Variants in PITPNM3 observed in about 807,000 individuals in gnomAD.
PITPNM3 encodes PITPNM family member 3, also known as membrane-associated phosphatidylinositol transfer protein 3.
PITPNM3 carries 26 observed loss-of-function variants against 102.0 expected under a neutral mutation model. The observed-to-expected ratio is 0.25, with a 90% CI of 0.19 to 0.35. The LOEUF is 0.35. PITPNM3 is among the 10% of genes least tolerant of loss of function. The pLI is 1.00. For missense variants in PITPNM3, 1,083 were observed against 1,346.1 expected, an observed-to-expected ratio of 0.80 and a Z score of 3.06; for synonymous variants, 578 against 558.6, an observed-to-expected ratio of 1.03 and a Z score of -0.49.
intron 4 of PITPNM3, among the ~76,000 whole-genome samples, chr17:6,495,666 T>C (rs906029719): frequency 1.3e-5 from 2 of 152,020 alleles, no homozygotes; most frequent in Admixed American, 1.3e-4. Flanking sequence ...CATGTGTGCA[T>C]GCTGCAGGCA....
intron 3 of PITPNM3, among the ~76,000 whole-genome samples, chr17:6,509,744 C>T (rs1178075969): frequency 6.6e-6 from 1 of 152,196 alleles, no homozygotes; most frequent in Non-Finnish European, 1.5e-5. Context: ...TCACCTGGCC[C>T]AGCGTAAGCC....
chr17:6,466,768 CAGG>C (rs1425609190), intron 14 of PITPNM3, among the ~76,000 whole-genome samples: 2 of 151,962 alleles, frequency 1.3e-5, no homozygotes, highest in African/African-American at 2.4e-5. Flanking sequence ...AATGAAAACA[CAGG>C]AGAAATGAAA....
Position 6,478,445 on chromosome 17 carries a change from C to G in PITPNM3, c.777+102G>C, listed in dbSNP as rs901618291. On this transcript the variant is annotated intron_variant, in intron 7 of 19. Transcript: ENST00000262483. This position sits in a 1 kb window ranked among gnomAD's most constrained non-coding sequence, Gnocchi z 4.4. Reference sequence around the variant, plus strand: ...CCACCTTTGGGCTCAGAGGCTGATTCGAGAACAGCCTGGCCTTGGCCCTTT... The same window carrying G: ...CCACCTTTGGGCTCAGAGGCTGATTGGAGAACAGCCTGGCCTTGGCCCTTT... 6.9e-7 allele frequency: 1 copy of G among 1,438,956 alleles called. No individual in the cohort carries two copies. Among genetic ancestry groups the G allele is most frequent in the African/African-American group, 1.4e-5 (1 of 71,466 alleles). The allele number at this position is 1,438,956 out of a possible 1,614,324, so 89.1% of individuals were successfully genotyped here. A position where few individuals can be genotyped will look rare whatever the true frequency, so the allele number is the denominator to read the frequency against.
intron 6 of PITPNM3, chr17:6,481,031 C>T (rs1031849714): frequency 6.6e-6 from 1 of 152,330 alleles, no homozygotes; most frequent in Admixed American, 6.5e-5. Flanking sequence ...ATCCTTCCCT[C>T]CTTTCTCCCC....
intron 4 of PITPNM3, among the ~76,000 whole-genome samples, chr17:6,501,665 C>A (rs1907186556): frequency 6.6e-6 from 1 of 152,068 alleles, no homozygotes; most frequent in South Asian, 2.1e-4. Context: ...CTCTGCCCAC[C>A]ACCTCCCTGG....
chr17:6,526,447 A>G (rs1212976056), intron 2 of PITPNM3, among the ~76,000 whole-genome samples: 1 of 152,174 alleles, frequency 6.6e-6, no homozygotes, highest in East Asian at 1.9e-4. Context: ...GTTGAGGACA[A>G]TCTCCAAGCT....
intron 14 of PITPNM3, among the ~76,000 whole-genome samples, chr17:6,465,823 G>A (rs925434456): frequency 1.3e-5 from 2 of 152,120 alleles, no homozygotes; most frequent in African/African-American, 2.4e-5. Flanking sequence ...CAAGACCCCA[G>A]TCTCTCCATC....
intron 4 of PITPNM3, among the ~76,000 whole-genome samples, chr17:6,497,423 G>T (rs1906898995): frequency 6.6e-6 from 1 of 152,210 alleles, no homozygotes; most frequent in African/African-American, 2.4e-5. Flanking sequence ...CCCAAGCTCA[G>T]TCCAGGACCA....
chr17:6,492,402 T>G (rs1334445559), intron 4 of PITPNM3, among the ~76,000 whole-genome samples: 1 of 152,106 alleles, frequency 6.6e-6, no homozygotes, highest in Non-Finnish European at 1.5e-5. Flanking sequence ...ACCTCCTATT[T>G]TAGTCAATAC....
chr17:6,520,558 G>A (rs1908450097), intron 3 of PITPNM3, among the ~76,000 whole-genome samples: 1 of 152,210 alleles, frequency 6.6e-6, no homozygotes. Context: ...CCTCTAGAGA[G>A]ATACGTTGAT....
At chr17:6,506,780 A>G (rs993106400) in intron 3 of PITPNM3, among the ~76,000 whole-genome samples, 1 of 152,120 alleles carries the variant, frequency 6.6e-6, no homozygotes. Context: ...ACGTACACAC[A>G]GGCTCCACCA....
intron 4 of PITPNM3, among the ~76,000 whole-genome samples, chr17:6,498,232 T>C (rs555751298): frequency 6.6e-6 from 1 of 152,278 alleles, no homozygotes; most frequent in East Asian, 1.9e-4. Flanking sequence ...TTCCCACCAT[T>C]TGCTGCAGAG....
Position 6,455,551 on chromosome 17 carries a change from G to A in PITPNM3, c.2712C>T (p.Arg904=), listed in dbSNP as rs774453416. The change falls in exon 20 of 20, where the codon CGC becomes CGT. Residue 904 remains arginine (R), a synonymous_variant. Transcript: ENST00000262483. ...PKKNNSRMIL[R]KGSFGLHAQP... is the part of the protein sequence containing the mutation. ...GCGCGTGCAGCCCGAAGCTGCCCTTGCGCAGGATCATGCGCGAGTTGTTCT... is the reference window on the plus strand; with the variant it reads ...GCGCGTGCAGCCCGAAGCTGCCCTTACGCAGGATCATGCGCGAGTTGTTCT... 1 of 1,603,686 alleles carries A rather than the reference G, an allele frequency of 6.2e-7. No individual in the cohort carries two copies. The highest frequency in any genetic ancestry group is 8.5e-7 in the Non-Finnish European group (1 of 1,179,438).
intron 14 of PITPNM3, among the ~76,000 whole-genome samples, chr17:6,467,067 C>CA (rs1408443729): frequency 6.3e-3 from 31 of 4,936 alleles, no homozygotes; most frequent in African/African-American, 0.01. Flanking sequence ...CGTCTCAAAA[C>CA]AAAAAAAAAA....
intron 4 of PITPNM3, among the ~76,000 whole-genome samples, chr17:6,498,229 C>A (rs535737954): frequency 6.6e-6 from 1 of 152,234 alleles, no homozygotes; most frequent in Non-Finnish European, 1.5e-5. Flanking sequence ...TCCTTCCCAC[C>A]ATTTGCTGCA....
chr17:6,518,935 C>G lies in PITPNM3; in HGVS notation c.226+6421G>C, dbSNP rs1408648070. ...CACAGCACTACAGTCAGGATCCAAC[C>G]AGAAAGCCCGCTACCGCTTGTCACT... On this transcript the variant is annotated intron_variant, in intron 3 of 19. Coordinates refer to ENST00000262483, the MANE Select transcript of PITPNM3 (RefSeq NM_031220.4). 3.3e-5 allele frequency among the ~76,000 whole-genome samples: 5 copies of G among 152,160 alleles called. No individual in the cohort carries two copies. The East Asian group carries it at 9.6e-4, about 29-fold the overall frequency.
rs1017646077 is a variant in PITPNM3 at position 6,517,940 on chromosome 17, G to T, written c.226+7416C>A. ...AAAGGAGGTATATAAGAAATTTGAT[G>T]GTGTCAATAAAAAACAAGAAAAGGG... On this transcript the variant is annotated intron_variant, in intron 3 of 19. Transcript: ENST00000262483. The surrounding 1 kb of genome is among the most constrained non-coding windows in gnomAD (Gnocchi z 4.1). Among the ~76,000 whole-genome samples, 5 of 151,942 alleles carry T rather than the reference G, an allele frequency of 3.3e-5. No individual in the cohort carries two copies. Among genetic ancestry groups the T allele is most frequent in the Non-Finnish European group, 7.4e-5 (5 of 67,974 alleles).
Position 6,472,917 on chromosome 17 carries a change from C to A in PITPNM3, c.1259-90G>T. On this transcript the variant is annotated intron_variant, in intron 10 of 19. Transcript: ENST00000262483. The surrounding 1 kb of genome is among the most constrained non-coding windows in gnomAD (Gnocchi z 4.1). ...CTCCCTGGAATGCAGCCTGGAGTAG[C>A]CTACTCCCCTCTCAAGAGCCTCCCC... 1 of 1,463,502 alleles carries A rather than the reference C, an allele frequency of 6.8e-7. No individual in the cohort carries two copies. 90.7% of individuals were successfully genotyped at this position (1,463,502 alleles called of 1,614,324 possible).
chr17:6,495,430 G>A (rs545464917), intron 4 of PITPNM3, among the ~76,000 whole-genome samples: 1 of 152,290 alleles, frequency 6.6e-6, no homozygotes, highest in East Asian at 1.9e-4. Flanking sequence ...GCTTCAGGGT[G>A]AAAAGAGATC....
Sources: allele counts gnomAD v4.1 joint callset (sites outside exome capture counted in the v4.1 genomes callset), GRCh38; gene constraint gnomAD v4.1.1; non-coding constraint Gnocchi (gnomAD v3.1); transcripts MANE v1.5; gene names NCBI Gene and HGNC (gene_info 2026-07-23, HGNC 2026-07-21).